Variants in CCDC171 observed in about 807,000 individuals in gnomAD.
CCDC171 encodes the protein coiled-coil domain containing 171.
CCDC171 carries 177 observed loss-of-function variants against 168.2 expected under a neutral mutation model. The observed-to-expected ratio is 1.05, with a 90% CI of 0.93 to 1.19. The LOEUF (loss-of-function observed/expected upper bound fraction) is 1.19, where lower values mean the gene tolerates loss of function less well. Among genes scored for constraint, CCDC171 ranks in the 50% most tolerant of loss-of-function variants. The probability of loss-of-function intolerance (pLI) is 0.00; values close to 1 mark genes in which losing one functional copy is unlikely to be tolerated. For synonymous variants in CCDC171, 687 were observed against 540.8 expected (o/e 1.27, Z -3.75); for missense variants, 1,991 against 1,539.0 (o/e 1.29, Z -4.91).
chr9:15,694,382 G>T (rs1331125883), intron 10 of CCDC171, among the ~76,000 whole-genome samples: 2 of 151,968 alleles, frequency 1.3e-5, no homozygotes, highest in East Asian at 3.9e-4. Flanking sequence ...ATATTTATTT[G>T]GGACCTGTTA....
intron 23 of CCDC171, among the ~76,000 whole-genome samples, chr9:15,865,228 A>C (rs1056909125): frequency 6.6e-6 from 1 of 152,070 alleles, no homozygotes; most frequent in East Asian, 1.9e-4. Context: ...CCTAGAACCC[A>C]TCATGAAACA....
At chr9:15,566,000 T>C (rs1453080238) in intron 2 of CCDC171, among the ~76,000 whole-genome samples, 1 of 152,254 alleles carries the variant, frequency 6.6e-6, no homozygotes, top group Non-Finnish European at 1.5e-5. Flanking sequence ...TTAATTTCTC[T>C]ATAACCTGAC....
chr9:16,063,893 T>G (rs1833963521), downstream of CCDC171, among the ~76,000 whole-genome samples: 1 of 152,188 alleles, frequency 6.6e-6, no homozygotes, highest in African/African-American at 2.4e-5. Flanking sequence ...GATAGTGAAT[T>G]CTAAATGCAG....
rs1210570391 is a variant in CCDC171 at position 15,571,636 on chromosome 9, C to G, written c.54C>G (p.Ala18=). The change falls in exon 3 of 26, where the codon GCC becomes GCG. Residue 18 remains alanine, a synonymous_variant. Transcript: ENST00000380701. ...NTGDTQRLKI[A]SLDVKQILKN... is the part of the protein sequence containing the mutation. ...TCTCATTTTAAAGGTTGAAGATTGC[C>G]TCATTGGATGTAAAACAAATACTTA... is the stretch of plus-strand genomic sequence containing the variant. The G allele has an allele frequency of 3.2e-6, 5 of 1,555,640 alleles. 1 individual carries two copies. In the Admixed American group the frequency reaches 1.1e-4, roughly 35 times the overall value.
At chr9:15,652,378 C>A (rs1281193498) in intron 7 of CCDC171, among the ~76,000 whole-genome samples, 1 of 151,682 alleles carries the variant, frequency 6.6e-6, no homozygotes, top group Non-Finnish European at 1.5e-5. Context: ...ACTGTCAGTT[C>A]CTTTCTGTGG....
At chr9:15,962,920 C>A (rs1830482971) in intron 25 of CCDC171, among the ~76,000 whole-genome samples, 1 of 151,224 alleles carries the variant, frequency 6.6e-6, no homozygotes, top group Non-Finnish European at 1.5e-5. Context: ...TATATATACA[C>A]ATAAACACAT....
chr9:15,729,764 C>T lies in CCDC171; in HGVS notation c.2015C>T (p.Ser672Phe). The T allele has an allele frequency of 6.2e-7, 1 of 1,611,922 alleles. No homozygotes were observed. The highest frequency in any genetic ancestry group is 1.7e-4 in the Middle Eastern group (1 of 6,048). ...AAGAAGGAACTAGAGCTGCAGTATT[C>T]TGAACTCTTCCTGGAGGTGCAGAAG... ...RQKKELELQYSELFLEVQKRA... is the reference protein window; with the variant it reads ...RQKKELELQYFELFLEVQKRA... The change falls in exon 16 of 26, where the codon TCT (serine) becomes TTT (phenylalanine). Residue 672 changes from serine (S) to phenylalanine (F), a missense_variant. By Grantham distance (155) the Ser-to-Phe change is radical. Transcript: ENST00000380701.
chr9:15,906,238 C>G (rs1390439725), intron 24 of CCDC171, among the ~76,000 whole-genome samples: 2 of 152,146 alleles, frequency 1.3e-5, no homozygotes, highest in African/African-American at 2.4e-5. Flanking sequence ...AATTTTAGAC[C>G]AATGTCCTTG....
chr9:15,879,596 G>A (rs544564565), intron 24 of CCDC171, among the ~76,000 whole-genome samples: 1 of 152,010 alleles, frequency 6.6e-6, no homozygotes, highest in African/African-American at 2.4e-5. Flanking sequence ...CTATTTGTGT[G>A]CATTGTTTTT....
intron 11 of CCDC171, among the ~76,000 whole-genome samples, chr9:15,698,328 T>C (rs2051383428): frequency 6.6e-6 from 1 of 152,118 alleles, no homozygotes; most frequent in African/African-American, 2.4e-5. Context: ...GAGACCATCC[T>C]GGCTAACACG....
intron 2 of CCDC171, among the ~76,000 whole-genome samples, chr9:15,571,228 G>C (rs1294677461): frequency 6.6e-6 from 1 of 152,028 alleles, no homozygotes; most frequent in Non-Finnish European, 1.5e-5. Flanking sequence ...AGAGAGTAGG[G>C]TGCTTTAGTC....
Position 15,777,708 on chromosome 9 carries a change from G to A in CCDC171, c.2780G>A (p.Ser927Asn), listed in dbSNP as rs775370809. 34 of 1,613,432 alleles carry A rather than the reference G, an allele frequency of 2.1e-5. No individual in the cohort carries two copies. The East Asian group carries it at 5.3e-4, about 25-fold the overall frequency. ...GTAATGGAATGTATACCTCTGCACAGTAGCAGGAGTATTACATATGTAGAA... is the reference window on the plus strand; with the variant it reads ...GTAATGGAATGTATACCTCTGCACAATAGCAGGAGTATTACATATGTAGAA... The part of the protein sequence containing the change: ...SLVMECIPLH[S>N]SRSITYVEKD... The change falls in exon 19 of 26, where the codon AGT (serine) becomes AAT (asparagine). Residue 927 changes from serine (S) to asparagine (N), a missense_variant. Physicochemically the swap from Ser to Asn is conservative, Grantham distance 46. Transcript: ENST00000380701.
At chr9:15,840,655 C>T (rs966891909) in intron 21 of CCDC171, among the ~76,000 whole-genome samples, 2 of 152,148 alleles carry the variant, frequency 1.3e-5, no homozygotes, top group Non-Finnish European at 2.9e-5. Flanking sequence ...GAAAACATTA[C>T]TGTCACATTA....
intron 6 of CCDC171, among the ~76,000 whole-genome samples, chr9:15,615,028 C>T (rs2043981218): frequency 6.6e-6 from 1 of 152,066 alleles, no homozygotes; most frequent in Non-Finnish European, 1.5e-5. Flanking sequence ...ATGGAAACAT[C>T]TTGATAGCAT....
chr9:15,984,425 T>C (rs544495149), intron 3 of CCDC171, among the ~76,000 whole-genome samples: 60 of 141,104 alleles, frequency 4.3e-4, no homozygotes, highest in Admixed American at 8.4e-4. Context: ...TGTGTACATA[T>C]ATATGTGTGT....
chr9:15,563,826 C>G (rs906589686), intron 1 of CCDC171, among the ~76,000 whole-genome samples, 152 bp from the exon 2 acceptor site: 3 of 152,192 alleles, frequency 2.0e-5, no homozygotes, highest in African/African-American at 7.2e-5. Flanking sequence ...AGTTCCTTTT[C>G]TTTTGGTGAT....
At chr9:15,608,944 CAAA>C (rs71491669) in intron 6 of CCDC171, among the ~76,000 whole-genome samples, 4 of 13,706 alleles carry the variant, frequency 2.9e-4, no homozygotes, top group African/African-American at 1.0e-3. Flanking sequence ...GACCCTGTCT[CAAA>C]AAAAAAAAAA....
chr9:15,977,329 G>A (rs1564096821), downstream of CCDC171, among the ~76,000 whole-genome samples: 1 of 152,150 alleles, frequency 6.6e-6, no homozygotes, highest in Non-Finnish European at 1.5e-5. Context: ...CATGGACGTT[G>A]CGATGGGAAA....
rs575505356 is a variant in CCDC171 at position 15,793,135 on chromosome 9, C to G, written c.3267+8441C>G. Reference sequence around the variant, plus strand: ...AATAAAGGGATGGAGGAAGATCTACCAAGCAAATGGAAAACAAAAAAAGGC... The same window carrying G: ...AATAAAGGGATGGAGGAAGATCTACGAAGCAAATGGAAAACAAAAAAAGGC... On this transcript the variant is annotated intron_variant, in intron 21 of 25. Transcript: ENST00000380701. Among the ~76,000 whole-genome samples the G allele has an allele frequency of 1.6e-4, 25 of 151,908 alleles. No individual in the cohort carries two copies. The South Asian group carries it at 5.0e-3, about 30-fold the overall frequency.
Sources: gnomAD v4.1 joint callset for allele counts (sites outside exome capture counted in the v4.1 genomes callset) on GRCh38, gnomAD v4.1.1 for gene constraint, MANE v1.5 for transcripts, NCBI Gene and HGNC (gene_info 2026-07-23, HGNC 2026-07-21) for gene names.